The following PRELID3B variants were observed in gnomAD, a reference collection of about 807,000 sequenced individuals.
PRELID3B encodes PRELI domain containing protein 3B.
A neutral mutation model predicts 24.0 loss-of-function variants in PRELID3B; 15 were observed. The observed-to-expected ratio is 0.63, with a 90% CI of 0.42 to 0.96. The LOEUF (loss-of-function observed/expected upper bound fraction) is 0.96, where lower values mean the gene tolerates loss of function less well. Ranked by LOEUF, PRELID3B falls within the 40% of genes least tolerant of loss-of-function variation. PRELID3B has a pLI of 0.00. For missense variants in PRELID3B, 189 were observed against 236.0 expected (o/e 0.80, Z 1.30); for synonymous variants, 62 against 76.0 (o/e 0.82, Z 0.96).
At chr20:59,041,466 A>G (rs2092109678) in intron 1 of PRELID3B, among the ~76,000 whole-genome samples, 1 of 152,200 alleles carries the variant, frequency 6.6e-6, no homozygotes, top group African/African-American at 2.4e-5. Flanking sequence ...TAATCCCGGC[A>G]CTTTGGGAGG....
At chr20:59,041,747 TA>T (rs554254646) in intron 1 of PRELID3B, among the ~76,000 whole-genome samples, 95 of 151,850 alleles carry the variant, frequency 6.3e-4, no homozygotes, top group African/African-American at 2.2e-3. Flanking sequence ...AAAAGAAATT[TA>T]AAAAAAATTT....
intron 1 of PRELID3B, among the ~76,000 whole-genome samples, chr20:59,039,914 A>T (rs1020356215): frequency 6.6e-6 from 1 of 152,222 alleles, no homozygotes. Flanking sequence ...GCAGGTATAT[A>T]AGCAGAGTTG....
chr20:59,036,785 AG>A (rs773349819), intron 3 of PRELID3B, 25 bp from the exon 4 acceptor site: 192 of 1,413,326 alleles, frequency 1.4e-4, no homozygotes, highest in Admixed American at 2.5e-4. Flanking sequence ...AAAAAAAAAA[AG>A]ATCAAATCAT....
chr20:59,041,654 G>C, intron 1 of PRELID3B, among the ~76,000 whole-genome samples: 1 of 152,292 alleles, frequency 6.6e-6, no homozygotes, highest in East Asian at 1.9e-4. Context: ...AGAATCGTTT[G>C]AACACGGGAG....
intron 1 of PRELID3B, among the ~76,000 whole-genome samples, chr20:59,039,362 C>A (rs1359013583): frequency 6.6e-6 from 1 of 152,184 alleles, no homozygotes; most frequent in Non-Finnish European, 1.5e-5. Flanking sequence ...AATAATATCA[C>A]ATCACTTGAG....
chr20:59,038,573 T>C lies in PRELID3B; in HGVS notation c.94A>G (p.Ser32Gly), dbSNP rs1268366937. 1 of 1,613,472 alleles carries C rather than the reference T, an allele frequency of 6.2e-7. No homozygotes were observed. The highest frequency in any genetic ancestry group is 8.5e-7 in the Non-Finnish European group (1 of 1,179,820). Residue 32 changes from serine to glycine, a missense_variant, in exon 2 of 6, where the codon AGT becomes GGT. Coordinates refer to ENST00000355937, the MANE Select transcript of PRELID3B (RefSeq NM_016045.3). ...MQKYPNPMNP[S>G]VVGVDVLDRH... The stretch of plus-strand genomic sequence containing the variant: ...TCCAACACATCAACTCCAACCACAC[T>C]TGGGTTCATAGGGTTTGGGTATTTC...
At chr20:59,037,571 G>A (rs762056292) in intron 2 of PRELID3B, among the ~76,000 whole-genome samples, 1 of 152,168 alleles carries the variant, frequency 6.6e-6, no homozygotes, top group South Asian at 2.1e-4. Context: ...ACGGTGGAGC[G>A]CTGAGGCTGA....
At chr20:59,038,718 T>C in intron 1 of PRELID3B, 84 bp from the exon 2 acceptor site, 13 of 1,442,554 alleles carry the variant, frequency 9.0e-6, no homozygotes, top group Non-Finnish European at 1.2e-5. Context: ...TTATAATCTA[T>C]CAAATCATTC....
Position 59,040,807 on chromosome 20 carries a change from A to G in PRELID3B, c.32+1892T>C, listed in dbSNP as rs1019266400. Among the ~76,000 whole-genome samples the G allele has an allele frequency of 6.6e-5, 10 of 152,212 alleles. No individual in the cohort carries two copies. Among genetic ancestry groups the G allele is most frequent in the East Asian group, 3.8e-4 (2 of 5,198 alleles). On this transcript the variant is annotated intron_variant, in intron 1 of 5. Transcript: ENST00000355937. This position sits in a 1 kb window ranked among gnomAD's most constrained non-coding sequence, Gnocchi z 4.1. The stretch of plus-strand genomic sequence containing the variant: ...AGAGAGGCTGGAGCTCAAGGTACAG[A>G]TCTGGGTGCCATAAATGTATACCTA...
intron 2 of PRELID3B, 29 bp from the exon 3 acceptor site, chr20:59,037,309 A>T: frequency 6.7e-7 from 1 of 1,484,344 alleles, no homozygotes; most frequent in Non-Finnish European, 9.4e-7. Context: ...ACTAGGAATC[A>T]GAGGAGGAAG....
intron 3 of PRELID3B, 102 bp downstream of exon 3, chr20:59,037,089 G>A (rs1269248527): frequency 1.2e-6 from 1 of 867,884 alleles, no homozygotes; most frequent in Non-Finnish European, 1.9e-6. Flanking sequence ...GGGATTCTCT[G>A]AACCACATCA....
At position 59,033,843 on chromosome 20, in the gene PRELID3B, T is replaced by C. The variant is rs1216339224; in HGVS notation, c.*1164A>G. 6.6e-6 allele frequency: 1 copy of C among 152,218 alleles called. No homozygotes were observed. Among genetic ancestry groups the C allele is most frequent in the Non-Finnish European group, 1.5e-5 (1 of 68,038 alleles). 9.4% of individuals were successfully genotyped at this position (152,218 alleles called of 1,614,324 possible). ...AAAACAAAGTACATTTACTGGATTG[T>C]TTTTCAGTTTGCAGCTGCCCTCTTG... On this transcript the variant is annotated 3_prime_UTR_variant, in exon 6 of 6. Transcript: ENST00000355937.
chr20:59,038,453 A>C lies in PRELID3B; in HGVS notation c.201+13T>G. Reference sequence around the variant, plus strand: ...CAGCAGTCACATTTCTCCGGGAATAAAGACACACTTACAGACTTCACAATG... The same window carrying C: ...CAGCAGTCACATTTCTCCGGGAATACAGACACACTTACAGACTTCACAATG... On this transcript the variant is annotated intron_variant, in intron 2 of 5. Coordinates refer to ENST00000355937, the MANE Select transcript of PRELID3B (RefSeq NM_016045.3). 1.2e-6 allele frequency: 2 copies of C among 1,606,476 alleles called. No homozygotes were observed. The highest frequency in any genetic ancestry group is 1.7e-6 in the Non-Finnish European group (2 of 1,175,622).
chr20:59,033,369 T>C lies in PRELID3B; in HGVS notation c.*1638A>G, dbSNP rs1233589921. ...TTTTTAAAAAATCAAAGGATAAGGA[T>C]TTAAAAATATTAGGGCATTACACCT... On this transcript the variant is annotated 3_prime_UTR_variant, in exon 6 of 6. Coordinates refer to ENST00000355937, the MANE Select transcript of PRELID3B (RefSeq NM_016045.3). 2.6e-5 allele frequency: 4 copies of C among 152,184 alleles called. No homozygotes were observed. The highest frequency in any genetic ancestry group is 1.9e-4 in the East Asian group (1 of 5,202). The allele number at this position is 152,184 out of a possible 1,614,324, so 9.4% of individuals were successfully genotyped here.
rs1436573871 is a variant in PRELID3B, at chr20:59,040,664, G to A, written c.33-2030C>T. Reference sequence around the variant, plus strand: ...TGACATCCTAAAGATCAGAAACAACGCTCAGATTTGTCAGGGGAGATGATG... The same window carrying A: ...TGACATCCTAAAGATCAGAAACAACACTCAGATTTGTCAGGGGAGATGATG... On this transcript the variant is annotated intron_variant, in intron 1 of 5. Transcript: ENST00000355937. This position sits in a 1 kb window ranked among gnomAD's most constrained non-coding sequence, Gnocchi z 4.1. Among the ~76,000 whole-genome samples, 4 of 152,290 alleles carry A rather than the reference G, an allele frequency of 2.6e-5. No individual in the cohort carries two copies. Among genetic ancestry groups the A allele is most frequent in the East Asian group, 3.9e-4 (2 of 5,180 alleles).
In PRELID3B at chr20:59,037,119, A is replaced by G. The variant is rs149713475; in HGVS notation, c.291+72T>C. On this transcript the variant is annotated intron_variant, in intron 3 of 5. Coordinates refer to ENST00000355937, the MANE Select transcript of PRELID3B (RefSeq NM_016045.3). ...ACATCATGAACACGCACTCACTTCT[A>G]CGGCAACTAGGAGAGGGACAAAGAA... is the stretch of plus-strand genomic sequence containing the variant. 5 of 1,135,754 alleles carry G rather than the reference A, an allele frequency of 4.4e-6. No homozygotes were observed. In the African/African-American group the frequency reaches 6.1e-5, roughly 14 times the overall value. The allele number at this position is 1,135,754 out of a possible 1,614,324, so 70.4% of individuals were successfully genotyped here.
Position 59,036,505 on chromosome 20 carries a change from A to G in PRELID3B, c.431T>C (p.Leu144Pro). The G allele has an allele frequency of 6.2e-7, 1 of 1,614,086 alleles. No homozygotes were observed. The highest frequency in any genetic ancestry group is 8.5e-7 in the Non-Finnish European group (1 of 1,179,938). The part of the protein sequence containing the change: ...GVSLSSYLEG[L>P]MASTISSNAS... Reference sequence around the variant, plus strand: ...ATTTGAGGATATCGTACTTGCCATCAGTCCTTCAAGGTAACTGCTGAGGCT... The same window carrying G: ...ATTTGAGGATATCGTACTTGCCATCGGTCCTTCAAGGTAACTGCTGAGGCT... The change falls in exon 5 of 6, where the codon CTG becomes CCG. Residue 144 changes from leucine to proline, a missense_variant. By Grantham distance (98) the Leu-to-Pro change is moderately conservative. Transcript: ENST00000355937.
Position 59,038,335 on chromosome 20 carries a change from T to A in PRELID3B, c.201+131A>T, listed in dbSNP as rs941827801. The A allele has an allele frequency of 5.9e-6, 4 of 674,430 alleles. No homozygotes were observed. The African/African-American group carries it at 7.3e-5, about 12-fold the overall frequency. 41.8% of individuals were successfully genotyped at this position (674,430 alleles called of 1,614,324 possible). ...TTATACACTCATAATTCAAGTTTAT[T>A]ATAATACAACTTGAACGGATGCAAA... On this transcript the variant is annotated intron_variant, in intron 2 of 5. Coordinates refer to ENST00000355937, the MANE Select transcript of PRELID3B (RefSeq NM_016045.3).
chr20:59,034,893 A>C lies in PRELID3B; in HGVS notation c.*114T>G, dbSNP rs2092059403. 2 of 627,246 alleles carry C rather than the reference A, an allele frequency of 3.2e-6. No homozygotes were observed. Among genetic ancestry groups the C allele is most frequent in the Non-Finnish European group, 4.3e-6 (2 of 466,430 alleles). The allele number at this position is 627,246 out of a possible 1,614,324, so 38.9% of individuals were successfully genotyped here. On this transcript the variant is annotated 3_prime_UTR_variant, in exon 6 of 6. Transcript: ENST00000355937. ...ACATAGCCTTACACCAACTTATCAA[A>C]AAAAAAAAAAAAAAAACTACCCAAA...
Sources: allele counts gnomAD v4.1 joint callset (sites outside exome capture counted in the v4.1 genomes callset), GRCh38; gene constraint gnomAD v4.1.1; non-coding constraint Gnocchi (gnomAD v3.1); transcripts MANE v1.5; gene names NCBI Gene and HGNC (gene_info 2026-07-23, HGNC 2026-07-21).